The following CCDC102B variants were observed in gnomAD, a reference collection of about 807,000 sequenced individuals.
CCDC102B encodes the protein coiled-coil domain-containing protein 102B.
In CCDC102B, 75 loss-of-function variants were observed where a neutral mutation model predicts 57.4. The observed-to-expected ratio is 1.31, with a 90% CI of 1.08 to 1.58. The LOEUF is 1.58. CCDC102B is among the 40% of genes most tolerant of loss of function. CCDC102B has a pLI of 0.00. For synonymous variants in CCDC102B, 206 were observed against 201.9 expected (o/e 1.02, Z -0.17); for missense variants, 636 against 582.6 (o/e 1.09, Z -0.94).
At chr18:68,905,585 GCCCTGTCT>G (rs2040599003) in intron 6 of CCDC102B, among the ~76,000 whole-genome samples, 1 of 2,540 alleles carries the variant, frequency 3.9e-4, no homozygotes, top group Non-Finnish European at 9.3e-4. Flanking sequence ...TTATGGGACC[GCCCTGTCT>G]AGCCCTGTCT....
At chr18:69,053,972 C>A (rs2052770344) in intron 7 of CCDC102B, 58 bp from the exon 8 acceptor site, 4 of 1,326,754 alleles carry the variant, frequency 3.0e-6, no homozygotes, top group Non-Finnish European at 4.2e-6. Flanking sequence ...ACTATAGCCA[C>A]CATGATGTAC....
intron 7 of CCDC102B, among the ~76,000 whole-genome samples, chr18:69,022,293 A>G (rs1298443392): frequency 6.6e-6 from 1 of 150,606 alleles, no homozygotes; most frequent in Non-Finnish European, 1.5e-5. Context: ...ATATGTGGGC[A>G]CACACACACA....
chr18:69,053,973 C>G, intron 7 of CCDC102B, 57 bp from the exon 8 acceptor site: 5 of 1,328,566 alleles, frequency 3.8e-6, no homozygotes, highest in Non-Finnish European at 5.2e-6. Flanking sequence ...CTATAGCCAC[C>G]ATGATGTACT....
intron 6 of CCDC102B, among the ~76,000 whole-genome samples, chr18:69,001,493 A>G (rs202040127): frequency 1.6e-4 from 1 of 6,322 alleles, no homozygotes; most frequent in African/African-American, 1.7e-4. Context: ...GACAAAAGGG[A>G]AAAAAAAAAA....
intron 6 of CCDC102B, among the ~76,000 whole-genome samples, chr18:68,920,631 T>C (rs1173031528): frequency 6.6e-6 from 1 of 151,914 alleles, no homozygotes; most frequent in Non-Finnish European, 1.5e-5. Context: ...AAGAAAAAGA[T>C]TTAATTGACT....
chr18:68,757,854 G>A (rs1300025464), intron 2 of CCDC102B, among the ~76,000 whole-genome samples: 1 of 152,132 alleles, frequency 6.6e-6, no homozygotes, highest in Admixed American at 6.6e-5. Flanking sequence ...CAGTGCATGA[G>A]CAAATCACAT....
intron 6 of CCDC102B, among the ~76,000 whole-genome samples, chr18:68,911,674 C>T (rs1191550797): frequency 1.4e-4 from 19 of 134,418 alleles, no homozygotes; most frequent in African/African-American, 5.5e-4. Context: ...ATGGCGTGAA[C>T]CCGGGAGGCG....
At chr18:68,796,456 G>T (rs1281843055), upstream of CCDC102B, among the ~76,000 whole-genome samples, 10 of 152,156 alleles carry the variant, frequency 6.6e-5, no homozygotes, top group South Asian at 1.7e-3. Flanking sequence ...GGGTATAGTG[G>T]GCTGACAAAT....
chr18:68,797,314 A>T (rs1189517958), upstream of CCDC102B, among the ~76,000 whole-genome samples: 1 of 152,142 alleles, frequency 6.6e-6, no homozygotes, highest in East Asian at 1.9e-4. Context: ...TTTGCTACTT[A>T]AAAGGAGCAA....
chr18:68,811,793 C>G (rs2036276207), intron 1 of CCDC102B, among the ~76,000 whole-genome samples: 1 of 152,044 alleles, frequency 6.6e-6, no homozygotes, highest in Non-Finnish European at 1.5e-5. Flanking sequence ...ATCCTGAGGT[C>G]ACGTGAAGCA....
At chr18:69,014,976 A>AGTGTGTGTGTGT (rs758831401) in intron 7 of CCDC102B, among the ~76,000 whole-genome samples, 95 of 115,678 alleles carry the variant, frequency 8.2e-4, no homozygotes, top group African/African-American at 2.2e-3. Context: ...AGAGAGAGAG[A>AGTGTGTGTGTGT]GAGTGTGTGT....
At chr18:69,005,829 CATTTT>C (rs1291970196) in intron 6 of CCDC102B, among the ~76,000 whole-genome samples, 1 of 151,384 alleles carries the variant, frequency 6.6e-6, no homozygotes, top group Non-Finnish European at 1.5e-5. Flanking sequence ...TATGCAAACA[CATTTT>C]ATGTGTTTCT....
chr18:68,934,889 A>C (rs748928909), intron 6 of CCDC102B, among the ~76,000 whole-genome samples: 19 of 151,942 alleles, frequency 1.3e-4, no homozygotes, highest in Non-Finnish European at 1.9e-4. Flanking sequence ...AAAAAAATAG[A>C]CACAAAATCC....
chr18:68,911,700 C>A (rs538454785), intron 6 of CCDC102B, among the ~76,000 whole-genome samples: 1 of 124,880 alleles, frequency 8.0e-6, no homozygotes, highest in South Asian at 2.6e-4. Flanking sequence ...TGCAGTGAGC[C>A]GAGATCGCGC....
intron 6 of CCDC102B, among the ~76,000 whole-genome samples, chr18:68,957,872 A>G (rs1469179486): frequency 6.6e-6 from 1 of 152,156 alleles, no homozygotes; most frequent in Non-Finnish European, 1.5e-5. Flanking sequence ...TGACTGTTGT[A>G]AATGACATTA....
At chr18:68,803,011 A>G (rs2035909214) in intron 1 of CCDC102B, among the ~76,000 whole-genome samples, 1 of 152,226 alleles carries the variant, frequency 6.6e-6, no homozygotes, top group African/African-American at 2.4e-5. Flanking sequence ...TGAATTATTT[A>G]AGTACTTGGA....
chr18:68,741,703 ACACACACACACC>A (rs1402068537), intron 2 of CCDC102B, among the ~76,000 whole-genome samples: 77 of 116,158 alleles, frequency 6.6e-4, no homozygotes, highest in South Asian at 2.3e-3. Context: ...ACACACACAC[ACACACACACACC>A]CCAAGACAAT....
At chr18:69,039,682 T>G (rs767964689) in intron 7 of CCDC102B, among the ~76,000 whole-genome samples, 22 of 151,960 alleles carry the variant, frequency 1.4e-4, no homozygotes, top group Non-Finnish European at 2.9e-4. Context: ...ATTATATATT[T>G]GCTCTTCCAT....
intron 6 of CCDC102B, among the ~76,000 whole-genome samples, chr18:68,910,764 G>T (rs1006877617): frequency 3.3e-5 from 5 of 152,164 alleles, no homozygotes; most frequent in African/African-American, 7.2e-5. Context: ...TGTTTTCAGT[G>T]CTGTGTTTGA....
Sources: allele counts gnomAD v4.1 joint callset (sites outside exome capture counted in the v4.1 genomes callset), GRCh38; gene constraint gnomAD v4.1.1; transcripts MANE v1.5; gene names NCBI Gene and HGNC (gene_info 2026-07-23, HGNC 2026-07-21).